The following CAP2 variants were observed in gnomAD, a reference collection of about 807,000 sequenced individuals.
The protein encoded by CAP2 is cyclase associated actin cytoskeleton regulatory protein 2.
In CAP2, 24 loss-of-function variants were observed where a neutral mutation model predicts 57.7. The ratio of observed to expected loss-of-function variants is 0.42; its 90% confidence interval spans 0.30 to 0.58. CAP2 has a LOEUF of 0.58. Ranked by LOEUF, CAP2 falls within the 20% of genes least tolerant of loss-of-function variation. CAP2 has a pLI of 0.22. For missense variants in CAP2, 501 were observed against 590.3 expected (o/e 0.85, Z 1.57); for synonymous variants, 194 against 207.2 (o/e 0.94, Z 0.55).
At chr6:17,458,615 A>T (rs1370306767) in intron 3 of CAP2, among the ~76,000 whole-genome samples, 1 of 152,202 alleles carries the variant, frequency 6.6e-6, no homozygotes, top group Admixed American at 6.5e-5. Context: ...ACCTTACAGA[A>T]AATTATCTGA....
At chr6:17,546,241 G>A (rs955895516) in intron 11 of CAP2, among the ~76,000 whole-genome samples, 3 of 152,176 alleles carry the variant, frequency 2.0e-5, no homozygotes, top group Non-Finnish European at 2.9e-5. Context: ...CATGCTAACT[G>A]GTATGAGATT....
At position 17,421,684 on chromosome 6, in the gene CAP2, C is replaced by T. The variant is rs769666485; in HGVS notation, c.121+8C>T. 16 of 1,614,086 alleles carry T rather than the reference C, an allele frequency of 9.9e-6. No individual in the cohort carries two copies. Among genetic ancestry groups the T allele is most frequent in the Admixed American group, 6.7e-5 (4 of 60,022 alleles). The stretch of plus-strand genomic sequence containing the variant: ...TCAATGGTGTCATTGCAGGTAGGGT[C>T]ACAAACTGTTGTCATTCCTGGTCTT... On this transcript the variant is annotated splice_region_variant and intron_variant, in intron 2 of 12. Coordinates refer to ENST00000229922, the MANE Select transcript of CAP2 (RefSeq NM_006366.3).
At chr6:17,415,438 T>C (rs1216548994) in intron 1 of CAP2, among the ~76,000 whole-genome samples, 3 of 152,208 alleles carry the variant, frequency 2.0e-5, no homozygotes, top group Non-Finnish European at 4.4e-5. Context: ...CCACTGTGGT[T>C]CCAAGTAGGA....
chr6:17,457,358 G>C (rs1194781453), intron 3 of CAP2, among the ~76,000 whole-genome samples: 1 of 152,220 alleles, frequency 6.6e-6, no homozygotes, highest in Non-Finnish European at 1.5e-5. Flanking sequence ...CTGCCTGAGT[G>C]AGCCAAATTC....
At chr6:17,552,475 C>T (rs1763193418) in intron 12 of CAP2, among the ~76,000 whole-genome samples, 1 of 152,106 alleles carries the variant, frequency 6.6e-6, no homozygotes, top group South Asian at 2.1e-4. Context: ...ACGGCAAAAG[C>T]CCGTCTCTAC....
At chr6:17,551,679 C>A in intron 12 of CAP2, 75 bp downstream of exon 12, 3 of 1,142,688 alleles carry the variant, frequency 2.6e-6, no homozygotes, top group Non-Finnish European at 3.7e-6. Context: ...ATTGATTAAT[C>A]AGCTACCAAC....
At chr6:17,410,838 C>A (rs975081673) in intron 1 of CAP2, among the ~76,000 whole-genome samples, 1 of 152,116 alleles carries the variant, frequency 6.6e-6, no homozygotes, top group Non-Finnish European at 1.5e-5. Context: ...GGACTACAGG[C>A]GTGAGCCACC....
At chr6:17,409,896 C>T (rs546432041) in intron 1 of CAP2, among the ~76,000 whole-genome samples, 37 of 152,272 alleles carry the variant, frequency 2.4e-4, no homozygotes, top group Non-Finnish European at 4.7e-4. Context: ...TTCTTCAACC[C>T]GCTGTCACTT....
chr6:17,542,525 G>A (rs1295823213), intron 9 of CAP2, among the ~76,000 whole-genome samples: 1 of 152,140 alleles, frequency 6.6e-6, no homozygotes, highest in African/African-American at 2.4e-5. Flanking sequence ...AGGTTTTGCT[G>A]CATCATCAAG....
chr6:17,434,621 G>A (rs1186878115), intron 3 of CAP2, among the ~76,000 whole-genome samples: 1 of 152,196 alleles, frequency 6.6e-6, no homozygotes, highest in Non-Finnish European at 1.5e-5. Context: ...GTGTACTAAT[G>A]TACGTGTTCA....
chr6:17,438,433 G>GTTTTGTTTTTTTTTTTTTTTTT (rs1554122624), intron 3 of CAP2, among the ~76,000 whole-genome samples: 1 of 58,374 alleles, frequency 1.7e-5, no homozygotes, highest in African/African-American at 1.0e-4. Flanking sequence ...ATCCAGAAGT[G>GTTTTGTTTTTTTTTTTTTTTTT]TTTTTTTTTT....
At chr6:17,496,892 C>T (rs1761684220) in intron 4 of CAP2, among the ~76,000 whole-genome samples, 1 of 152,166 alleles carries the variant, frequency 6.6e-6, no homozygotes. Flanking sequence ...ATCTGGCCAT[C>T]CCTCTACCAT....
chr6:17,467,467 T>A (rs965204783), intron 4 of CAP2, among the ~76,000 whole-genome samples: 4 of 152,156 alleles, frequency 2.6e-5, no homozygotes, highest in African/African-American at 9.7e-5. Flanking sequence ...GGGAATGGGG[T>A]ATCCATCCCC....
At chr6:17,453,612 T>C (rs1236764829) in intron 3 of CAP2, among the ~76,000 whole-genome samples, 3 of 152,180 alleles carry the variant, frequency 2.0e-5, no homozygotes, top group Non-Finnish European at 2.9e-5. Flanking sequence ...CAGCAGAGGA[T>C]ACAGAAGAAG....
chr6:17,436,587 G>C (rs921674511), intron 3 of CAP2, among the ~76,000 whole-genome samples: 1 of 152,136 alleles, frequency 6.6e-6, no homozygotes, highest in Non-Finnish European at 1.5e-5. Flanking sequence ...AGGGAGGCGG[G>C]TATCAGAACC....
intron 3 of CAP2, among the ~76,000 whole-genome samples, chr6:17,434,386 G>A (rs1759820012): frequency 6.6e-6 from 1 of 151,892 alleles, no homozygotes; most frequent in Admixed American, 6.6e-5. Flanking sequence ...GCACCACCAA[G>A]CCCGGCTAAT....
chr6:17,468,977 T>C (rs986074731), intron 4 of CAP2, among the ~76,000 whole-genome samples: 1 of 152,250 alleles, frequency 6.6e-6, no homozygotes, highest in African/African-American at 2.4e-5. Context: ...TATGTCAAAA[T>C]AAAATTGTAG....
intron 4 of CAP2, among the ~76,000 whole-genome samples, chr6:17,504,691 A>G (rs575131048): frequency 2.9e-4 from 44 of 152,284 alleles, no homozygotes; most frequent in Non-Finnish European, 4.9e-4. Context: ...ATAAAAAGAA[A>G]TACATTTTAT....
intron 4 of CAP2, among the ~76,000 whole-genome samples, chr6:17,498,223 C>G (rs980567043): frequency 2.0e-5 from 3 of 152,094 alleles, no homozygotes; most frequent in Non-Finnish European, 4.4e-5. Flanking sequence ...ATGGCAAAGA[C>G]AAAGAATAGT....
Sources: allele counts gnomAD v4.1 joint callset (sites outside exome capture counted in the v4.1 genomes callset), GRCh38; gene constraint gnomAD v4.1.1; transcripts MANE v1.5; gene names NCBI Gene and HGNC (gene_info 2026-07-23, HGNC 2026-07-21).